The following STYXL1 variants were observed in gnomAD, a reference collection of about 807,000 sequenced individuals.
The protein encoded by STYXL1 is serine/threonine/tyrosine interacting like 1.
STYXL1 carries 32 observed loss-of-function variants against 36.4 expected under a neutral mutation model. The observed-to-expected ratio is 0.88, with a 90% CI of 0.66 to 1.18. The LOEUF (loss-of-function observed/expected upper bound fraction) is 1.18. STYXL1 is among the 50% of genes most tolerant of loss of function. The pLI is 0.00. For missense variants in STYXL1, 354 were observed against 394.1 expected, an observed-to-expected ratio of 0.90 and a Z score of 0.86; for synonymous variants, 133 against 144.1, an observed-to-expected ratio of 0.92 and a Z score of 0.55.
intron 5 of STYXL1, among the ~76,000 whole-genome samples, chr7:76,012,088 T>C (rs1176717111): frequency 6.6e-6 from 1 of 152,026 alleles, no homozygotes; most frequent in Non-Finnish European, 1.5e-5. Flanking sequence ...TCACTTGAGG[T>C]CAGGAGCTGG....
At chr7:76,007,512 T>C (rs1791938310) in intron 5 of STYXL1, among the ~76,000 whole-genome samples, 1 of 152,152 alleles carries the variant, frequency 6.6e-6, no homozygotes, top group Admixed American at 6.5e-5. Context: ...TCCAAGGATT[T>C]GGTATCTATT....
At chr7:76,026,249 G>GAAAAGTAC (rs1788840326) in intron 3 of STYXL1, among the ~76,000 whole-genome samples, 1 of 134,430 alleles carries the variant, frequency 7.4e-6, no homozygotes, top group Non-Finnish European at 1.6e-5. Context: ...ACAGGGTGTG[G>GAAAAGTAC]AAAAGTACAG....
chr7:75,999,192 C>A (rs1332385950), intron 8 of STYXL1: 2 of 154,046 alleles, frequency 1.3e-5, no homozygotes, highest in African/African-American at 4.8e-5. Context: ...TAATTAGTAA[C>A]CTTCCAAAAC....
rs143228028 is a variant in STYXL1, at chr7:75,996,524, A to C, written c.886T>G (p.Trp296Gly). 9.9e-6 allele frequency: 16 copies of C among 1,614,092 alleles called. No homozygotes were observed. In the African/African-American group the frequency reaches 2.0e-4, roughly 20 times the overall value. ...GAATCTCCAAGGATAGTCTTCTCCC[A>C]TTCCAGCAGCTGGCTCACCAATCCC... ...NRGLVSQLLE[W>G]EKTILGDSIT... The change falls in exon 9 of 9, where the codon TGG becomes GGG. Residue 296 changes from tryptophan (W) to glycine (G), a missense_variant. Transcript: ENST00000359697.
rs201184232 is a variant in STYXL1, at chr7:76,021,969, C to A, written c.189G>T (p.Pro63=). Residue 63 remains proline (P), a synonymous_variant, in exon 4 of 9, where the codon CCG becomes CCT. Coordinates refer to ENST00000359697, the MANE Select transcript of STYXL1 (RefSeq NM_001317785.2). ...VKKKNNEYLL[P]ESVDLECVKY... The stretch of plus-strand genomic sequence containing the variant: ...TCACACACTCCAGGTCCACAGACTC[C>A]GGGAGAAGATATTCATTATTTTTCT... 7 of 1,608,344 alleles carry A rather than the reference C, an allele frequency of 4.4e-6. No individual in the cohort carries two copies. In the African/African-American group the frequency reaches 8.1e-5, roughly 19 times the overall value.
intron 6 of STYXL1, 56 bp from the exon 7 acceptor site, chr7:76,003,911 A>G: frequency 6.5e-7 from 1 of 1,541,830 alleles, no homozygotes; most frequent in Non-Finnish European, 8.9e-7. Context: ...AGGCATCCCC[A>G]TTGTGGGGTT....
At chr7:76,039,355 C>T (rs1329883797) in intron 1 of STYXL1, among the ~76,000 whole-genome samples, 2 of 151,934 alleles carry the variant, frequency 1.3e-5, no homozygotes, top group East Asian at 1.9e-4. Context: ...GGATTACAGG[C>T]GTGAGCCACT....
chr7:76,021,203 A>G (rs1233161620), intron 4 of STYXL1, among the ~76,000 whole-genome samples: 8 of 151,302 alleles, frequency 5.3e-5, no homozygotes, highest in Non-Finnish European at 8.8e-5. Context: ...TCAGCCTCCC[A>G]AGTAGCTAGC....
chr7:76,012,814 G>A (rs1274866139), intron 5 of STYXL1, among the ~76,000 whole-genome samples: 3 of 152,210 alleles, frequency 2.0e-5, no homozygotes, highest in African/African-American at 2.4e-5. Context: ...TTATAGGCGT[G>A]AGCCACCGTG....
At chr7:76,021,721 G>T in intron 4 of STYXL1, 130 bp downstream of exon 4, 2 of 718,748 alleles carry the variant, frequency 2.8e-6, no homozygotes, top group South Asian at 1.7e-5. Context: ...CTCTTTTTCT[G>T]ACGCAAACCC....
chr7:76,009,528 A>G (rs1792285556), intron 5 of STYXL1, among the ~76,000 whole-genome samples: 1 of 152,106 alleles, frequency 6.6e-6, no homozygotes, highest in Admixed American at 6.5e-5. Context: ...TTCCTGCCTC[A>G]GCCTCCTGAG....
chr7:76,033,486 G>C (rs1008235822), intron 1 of STYXL1, among the ~76,000 whole-genome samples: 11 of 152,296 alleles, frequency 7.2e-5, no homozygotes, highest in African/African-American at 2.2e-4. Context: ...GAGCAGAGTG[G>C]AGCCTCTGGA....
chr7:76,029,835 G>A (rs1456886831), intron 2 of STYXL1, among the ~76,000 whole-genome samples: 2 of 152,130 alleles, frequency 1.3e-5, no homozygotes, highest in Non-Finnish European at 2.9e-5. Context: ...TGATCTGACA[G>A]CAGGTGGAGC....
At chr7:76,020,504 G>A (rs1306097222) in intron 4 of STYXL1, among the ~76,000 whole-genome samples, 1 of 152,142 alleles carries the variant, frequency 6.6e-6, no homozygotes, top group Non-Finnish European at 1.5e-5. Flanking sequence ...TTCTGACTTG[G>A]GGCTGCATGC....
At chr7:76,034,525 C>T (rs1795728362) in intron 1 of STYXL1, among the ~76,000 whole-genome samples, 1 of 152,232 alleles carries the variant, frequency 6.6e-6, no homozygotes, top group African/African-American at 2.4e-5. Flanking sequence ...TTCTTCCTTG[C>T]AGACTGTTCC....
chr7:76,041,361 T>TG (rs1554582124), intron 1 of STYXL1, among the ~76,000 whole-genome samples: 2 of 151,708 alleles, frequency 1.3e-5, no homozygotes, highest in African/African-American at 4.9e-5. Context: ...TGTGTAGGGG[T>TG]GGGGTGAGGA....
Position 76,005,762 on chromosome 7 carries a change from G to A in STYXL1, c.454-358C>T, listed in dbSNP as rs551168532. ...TACTGGGGGCTCAGGAGGATGGAGA[G>A]GGACAGCTCTCTTAAGACCACCAGA... is the stretch of plus-strand genomic sequence containing the variant. On this transcript the variant is annotated intron_variant, in intron 5 of 8. Coordinates refer to ENST00000359697, the MANE Select transcript of STYXL1 (RefSeq NM_001317785.2). 7.2e-5 allele frequency among the ~76,000 whole-genome samples: 11 copies of A among 152,016 alleles called. No individual in the cohort carries two copies. The East Asian group carries it at 1.9e-3, about 27-fold the overall frequency.
At chr7:76,016,386 C>CATATGTGTATACATATGTGTATAT (rs1563485896) in intron 4 of STYXL1, among the ~76,000 whole-genome samples, 1 of 147,272 alleles carries the variant, frequency 6.8e-6, no homozygotes, top group Non-Finnish European at 1.5e-5. Flanking sequence ...AGCGTATATA[C>CATATGTGTATACATATGTGTATAT]GTATGTGTGT....
chr7:76,000,410 G>A, intron 8 of STYXL1: 1 of 456,778 alleles, frequency 2.2e-6, no homozygotes. Context: ...TCACGAACAG[G>A]CTGTGACAGG....
Sources: allele counts gnomAD v4.1 joint callset (sites outside exome capture counted in the v4.1 genomes callset), GRCh38; gene constraint gnomAD v4.1.1; transcripts MANE v1.5; gene names NCBI Gene and HGNC (gene_info 2026-07-23, HGNC 2026-07-21).